ADCK1: variants seen among roughly 807,000 people sequenced by gnomAD.
The protein encoded by ADCK1 is aarF domain-containing protein kinase 1.
A neutral mutation model predicts 52.3 loss-of-function variants in ADCK1; 41 were observed. That is an observed-to-expected ratio of 0.78 (90% CI 0.61 to 1.02). ADCK1 has a LOEUF of 1.02. Ranked by LOEUF, ADCK1 falls within the 50% of genes least tolerant of loss-of-function variation. The pLI is 0.00. For missense variants in ADCK1, 658 were observed against 679.5 expected, an observed-to-expected ratio of 0.97 and a Z score of 0.35; for synonymous variants, 250 against 274.6, an observed-to-expected ratio of 0.91 and a Z score of 0.89.
At chr14:77,815,924 T>G (rs185817517) in intron 1 of ADCK1, among the ~76,000 whole-genome samples, 1 of 151,464 alleles carries the variant, frequency 6.6e-6, no homozygotes, top group African/African-American at 2.4e-5. Context: ...CAAGTGATTC[T>G]CATGTCTTAG....
At chr14:77,895,539 C>A (rs191040860) in intron 5 of ADCK1, among the ~76,000 whole-genome samples, 399 of 152,194 alleles carry the variant, frequency 2.6e-3, no homozygotes, top group Non-Finnish European at 4.0e-3. Context: ...GGAGAAAAAT[C>A]AAAAAGTCAA....
intron 1 of ADCK1, among the ~76,000 whole-genome samples, chr14:77,801,353 T>A (rs140123206): frequency 9.8e-5 from 15 of 152,364 alleles, no homozygotes; most frequent in African/African-American, 3.4e-4. Flanking sequence ...CACACCTGGT[T>A]ACGGGTCTTT....
chr14:77,818,722 G>A (rs2081517172), intron 1 of ADCK1, among the ~76,000 whole-genome samples: 1 of 152,188 alleles, frequency 6.6e-6, no homozygotes, highest in South Asian at 2.1e-4. Flanking sequence ...ACTGTTGAAG[G>A]AAGGACTTTG....
At chr14:77,882,712 A>C (rs2140195047) in intron 4 of ADCK1, among the ~76,000 whole-genome samples, 1 of 150,532 alleles carries the variant, frequency 6.6e-6, no homozygotes. Flanking sequence ...ACTTCCTGTC[A>C]CCTTATTTTG....
At chr14:77,840,039 C>T (rs963520513) in intron 3 of ADCK1, among the ~76,000 whole-genome samples, 1 of 151,688 alleles carries the variant, frequency 6.6e-6, no homozygotes, top group African/African-American at 2.4e-5. Flanking sequence ...AATCTTCTGG[C>T]GCACCTTCCT....
intron 3 of ADCK1, 133 bp from the exon 4 acceptor site, chr14:77,858,941 CGT>C: frequency 4.1e-6 from 3 of 733,986 alleles, no homozygotes; most frequent in Non-Finnish European, 4.4e-6. Flanking sequence ...TGTGTGTGTG[CGT>C]GTGTGTGCAT....
chr14:77,871,295 G>T (rs181741376), intron 4 of ADCK1, among the ~76,000 whole-genome samples: 57 of 152,102 alleles, frequency 3.7e-4, no homozygotes, highest in Non-Finnish European at 7.6e-4. Flanking sequence ...TGTCAAATAC[G>T]TACCTTTCAC....
chr14:77,879,905 A>G (rs933958160), intron 4 of ADCK1, among the ~76,000 whole-genome samples: 1 of 152,126 alleles, frequency 6.6e-6, no homozygotes, highest in Non-Finnish European at 1.5e-5. Context: ...TTGGGGGGCT[A>G]CTATAGGCTC....
intron 1 of ADCK1, among the ~76,000 whole-genome samples, chr14:77,805,844 T>A (rs1402772105): frequency 6.6e-6 from 1 of 152,112 alleles, no homozygotes; most frequent in Non-Finnish European, 1.5e-5. Context: ...ACAATAGTGA[T>A]GTTTATATAT....
At chr14:77,930,014 G>T (rs1181569987) in intron 9 of ADCK1, among the ~76,000 whole-genome samples, 1 of 152,180 alleles carries the variant, frequency 6.6e-6, no homozygotes, top group Non-Finnish European at 1.5e-5. Context: ...AGGGTCTACT[G>T]CAGACACCCA....
At chr14:77,830,725 A>G (rs746644180) in intron 3 of ADCK1, among the ~76,000 whole-genome samples, 1 of 141,402 alleles carries the variant, frequency 7.1e-6, no homozygotes, top group African/African-American at 2.5e-5. Flanking sequence ...AGAGAGAAAA[A>G]GAACAGGAAC....
intron 7 of ADCK1, among the ~76,000 whole-genome samples, chr14:77,909,127 C>CTTT (rs55821210): frequency 4.4e-4 from 45 of 103,324 alleles, no homozygotes; most frequent in African/African-American, 1.3e-3. Flanking sequence ...GAGGTAAATG[C>CTTT]TTTTTTTTTT....
chr14:77,928,671 A>G (rs1487260176), intron 9 of ADCK1, among the ~76,000 whole-genome samples: 1 of 152,144 alleles, frequency 6.6e-6, no homozygotes, highest in Non-Finnish European at 1.5e-5. Flanking sequence ...CATGTTGGCC[A>G]AGATGGTCTC....
At chr14:77,803,463 T>C (rs1333002788) in intron 1 of ADCK1, among the ~76,000 whole-genome samples, 1 of 152,182 alleles carries the variant, frequency 6.6e-6, no homozygotes, top group East Asian at 1.9e-4. Context: ...TGGTTTCCCA[T>C]TTAGTTCTGT....
At chr14:77,852,238 C>T (rs1276929679) in intron 3 of ADCK1, among the ~76,000 whole-genome samples, 1 of 152,100 alleles carries the variant, frequency 6.6e-6, no homozygotes, top group Non-Finnish European at 1.5e-5. Context: ...ACCTCGTGAT[C>T]CACCTGCCTT....
chr14:77,836,773 C>CTTTTT (rs56672313), intron 3 of ADCK1, among the ~76,000 whole-genome samples: 5 of 41,766 alleles, frequency 1.2e-4, no homozygotes, highest in Admixed American at 4.0e-4. Context: ...TTCTTTCTTT[C>CTTTTT]TTTTTTTTTT....
chr14:77,915,478 C>T (rs1367855531), intron 7 of ADCK1, among the ~76,000 whole-genome samples: 3 of 152,130 alleles, frequency 2.0e-5, no homozygotes, highest in East Asian at 1.9e-4. Context: ...TATTGTGGCA[C>T]TATTCACAAT....
intron 1 of ADCK1, among the ~76,000 whole-genome samples, chr14:77,818,362 G>GT (rs1313364624): frequency 6.6e-6 from 1 of 151,856 alleles, no homozygotes; most frequent in Non-Finnish European, 1.5e-5. Flanking sequence ...GCTCACTGCA[G>GT]TCTCCTCCTC....
At chr14:77,891,214 C>G (rs2083277243) in intron 5 of ADCK1, among the ~76,000 whole-genome samples, 1 of 152,206 alleles carries the variant, frequency 6.6e-6, no homozygotes, top group Admixed American at 6.5e-5. Flanking sequence ...GGAACAGCTA[C>G]TGTGTGCAGT....
Sources: allele counts gnomAD v4.1 joint callset (sites outside exome capture counted in the v4.1 genomes callset), GRCh38; gene constraint gnomAD v4.1.1; transcripts MANE v1.5; gene names NCBI Gene and HGNC (gene_info 2026-07-23, HGNC 2026-07-21).